PCLO: variants seen among roughly 807,000 people sequenced by gnomAD.
PCLO encodes the protein piccolo presynaptic cytomatrix protein, also known as protein piccolo.
Under a neutral mutation model 427.5 loss-of-function variants are expected in PCLO, and 82 were observed. The ratio of observed to expected loss-of-function variants is 0.19; its 90% CI spans 0.16 to 0.23. The LOEUF (loss-of-function observed/expected upper bound fraction) is 0.23, where lower values mean the gene tolerates loss of function less well. Among genes scored for constraint, PCLO ranks in the 10% least tolerant of loss-of-function variants. The probability of loss-of-function intolerance (pLI) is 1.00; values close to 1 mark genes in which losing one functional copy is unlikely to be tolerated. For missense variants in PCLO, 6,239 were observed against 6,115.9 expected (o/e 1.02, Z -0.67); for synonymous variants, 2,357 against 2,155.4 (o/e 1.09, Z -2.59).
intron 3 of PCLO, among the ~76,000 whole-genome samples, chr7:83,092,208 C>G (rs1203534437): frequency 6.6e-6 from 1 of 152,092 alleles, no homozygotes; most frequent in Non-Finnish European, 1.5e-5. Context: ...CCTGCAGAAC[C>G]CTCCTGAATA....
intron 3 of PCLO, among the ~76,000 whole-genome samples, chr7:83,109,831 A>G (rs1790958073): frequency 6.6e-6 from 1 of 152,100 alleles, no homozygotes; most frequent in African/African-American, 2.4e-5. Flanking sequence ...TAATATAAGT[A>G]TATAATTTCT....
intron 2 of PCLO, among the ~76,000 whole-genome samples, chr7:83,143,390 C>T (rs1287243749): frequency 1.3e-5 from 2 of 152,130 alleles, no homozygotes; most frequent in South Asian, 4.1e-4. Context: ...ATGGCATACT[C>T]AGCAACTTAA....
intron 20 of PCLO, among the ~76,000 whole-genome samples, chr7:82,819,122 T>C (rs896186186): frequency 4.6e-5 from 7 of 152,204 alleles, no homozygotes; most frequent in African/African-American, 1.4e-4. Flanking sequence ...GGATCAATTA[T>C]ATTGTTACAC....
intron 3 of PCLO, among the ~76,000 whole-genome samples, chr7:83,005,770 A>T (rs1051562054): frequency 6.6e-6 from 1 of 151,572 alleles, no homozygotes; most frequent in South Asian, 2.1e-4. Flanking sequence ...GGGTTAGGGG[A>T]AGCTGAGTTA....
At position 82,949,708 on chromosome 7, in the gene PCLO, A is replaced by G. The variant is rs1321642642; in HGVS notation, c.10880T>C (p.Ile3627Thr). ...PKSPKVLYSP[I>T]SPLSPGKALE... is the part of the protein sequence containing the mutation. ...GGCTTTGCCTGGTGAAAGTGGTGAG[A>G]TGGGTGAGTAAAGGACTTTGGGGGA... Residue 3627 changes from isoleucine (I) to threonine (T), a missense_variant, in exon 6 of 25, where the codon ATC becomes ACC. Ile to Thr is a moderately conservative substitution (Grantham distance 89). This residue lies in a region of PCLO where 4,677 missense variants were observed against 4,468.4 expected (regional missense o/e 1.05). Transcript: ENST00000333891. The G allele has an allele frequency of 1.9e-6, 3 of 1,613,774 alleles. No homozygotes were observed. The highest frequency in any genetic ancestry group is 2.5e-6 in the Non-Finnish European group (3 of 1,179,820).
chr7:83,104,927 A>G (rs1281858322), intron 3 of PCLO, among the ~76,000 whole-genome samples: 3 of 150,012 alleles, frequency 2.0e-5, no homozygotes, highest in Non-Finnish European at 3.0e-5. Flanking sequence ...ATATGTGAAT[A>G]AAGAATGAGC....
At chr7:83,078,520 A>ATTATTATTATTATTATTG (rs1385221056) in intron 3 of PCLO, among the ~76,000 whole-genome samples, 26 of 86,800 alleles carry the variant, frequency 3.0e-4, no homozygotes, top group Non-Finnish European at 5.2e-4. Flanking sequence ...TGTTGCTAGC[A>ATTATTATTATTATTATTG]TTATTATTAT....
intron 3 of PCLO, among the ~76,000 whole-genome samples, chr7:83,047,216 CTTTA>C (rs1465487476): frequency 2.0e-5 from 3 of 151,818 alleles, no homozygotes; most frequent in Non-Finnish European, 4.4e-5. Flanking sequence ...GGTAATTTGC[CTTTA>C]TTTGATCATA....
chr7:82,931,413 A>G (rs966281217), intron 6 of PCLO, among the ~76,000 whole-genome samples: 2 of 152,018 alleles, frequency 1.3e-5, no homozygotes, highest in African/African-American at 4.8e-5. Flanking sequence ...TAAAACAACA[A>G]TATTTACATT....
chr7:82,887,529 G>A (rs568430220), intron 9 of PCLO, among the ~76,000 whole-genome samples: 1 of 152,162 alleles, frequency 6.6e-6, no homozygotes, highest in South Asian at 2.1e-4. Context: ...TTTATTAAGA[G>A]TGGATAAGAA....
At chr7:82,760,087 C>T (rs1382719423) in intron 24 of PCLO, among the ~76,000 whole-genome samples, 1 of 151,868 alleles carries the variant, frequency 6.6e-6, no homozygotes, top group African/African-American at 2.4e-5. Context: ...GGATTGGAGG[C>T]TTAACATGAC....
Position 82,755,599 on chromosome 7 carries a change from C to G in PCLO, c.*2976G>C, listed in dbSNP as rs1790301480. The G allele has an allele frequency of 6.6e-6, 1 of 152,020 alleles. No individual in the cohort carries two copies. Among genetic ancestry groups the G allele is most frequent in the African/African-American group, 2.4e-5 (1 of 41,380 alleles). The allele number at this position is 152,020 out of a possible 1,614,324, so 9.4% of individuals were successfully genotyped here. On this transcript the variant is annotated 3_prime_UTR_variant, in exon 25 of 25. Coordinates refer to ENST00000333891, the MANE Select transcript of PCLO (RefSeq NM_033026.6). ...TGAGATGCTCTTCAAGGTAAAAGTG[C>G]TGTAATTGGAGTAATTACGTATTAT...
intron 22 of PCLO, among the ~76,000 whole-genome samples, chr7:82,775,367 C>T (rs1790728402): frequency 6.6e-6 from 1 of 152,172 alleles, no homozygotes; most frequent in Non-Finnish European, 1.5e-5. Context: ...AACGAATGAG[C>T]ATTCCTGTTG....
intron 9 of PCLO, among the ~76,000 whole-genome samples, chr7:82,880,994 T>A (rs978792370): frequency 6.6e-6 from 1 of 152,180 alleles, no homozygotes; most frequent in Non-Finnish European, 1.5e-5. Flanking sequence ...TCTTTAAAAA[T>A]AGTTTTTCTT....
At chr7:83,107,003 C>CA (rs1790874206) in intron 3 of PCLO, among the ~76,000 whole-genome samples, 1 of 152,070 alleles carries the variant, frequency 6.6e-6, no homozygotes, top group Admixed American at 6.5e-5. Context: ...TCTTATAGAA[C>CA]ACTTAAGACC....
chr7:82,766,200 T>C (rs1790529083), intron 22 of PCLO, among the ~76,000 whole-genome samples: 2 of 152,068 alleles, frequency 1.3e-5, no homozygotes, highest in Admixed American at 1.3e-4. Flanking sequence ...AGTGGCAGCC[T>C]TGGCTTATCA....
chr7:82,804,669 C>G (rs995554514), intron 21 of PCLO, among the ~76,000 whole-genome samples: 2 of 152,120 alleles, frequency 1.3e-5, no homozygotes, highest in African/African-American at 4.8e-5. Flanking sequence ...CCCTGCAGCA[C>G]AAAAGCAGCA....
intron 3 of PCLO, among the ~76,000 whole-genome samples, chr7:83,120,050 G>C (rs944608944): frequency 6.6e-6 from 1 of 151,860 alleles, no homozygotes; most frequent in Non-Finnish European, 1.5e-5. Context: ...AGTCTCAACA[G>C]GGAAAATCTA....
intron 4 of PCLO, among the ~76,000 whole-genome samples, chr7:82,963,867 T>C (rs912756853): frequency 2.6e-5 from 4 of 151,962 alleles, no homozygotes; most frequent in African/African-American, 9.7e-5. Flanking sequence ...TAAATACATA[T>C]ACACATATTG....
Sources: allele counts gnomAD v4.1 joint callset (sites outside exome capture counted in the v4.1 genomes callset), GRCh38; gene constraint gnomAD v4.1.1; regional missense constraint gnomAD v4.1.1; transcripts MANE v1.5; gene names NCBI Gene and HGNC (gene_info 2026-07-23, HGNC 2026-07-21).